Variants in RNGTT observed in about 807,000 individuals in gnomAD.
RNGTT encodes the protein mRNA-capping enzyme.
A neutral mutation model predicts 79.3 loss-of-function variants in RNGTT; 33 were observed. The ratio of observed to expected loss-of-function variants is 0.42; its 90% CI spans 0.32 to 0.56. The LOEUF is 0.56. Among genes scored for constraint, RNGTT ranks in the 20% least tolerant of loss-of-function variants. The pLI is 0.17. For missense variants in RNGTT, 497 were observed against 739.1 expected, an observed-to-expected ratio of 0.67 and a Z score of 3.80; for synonymous variants, 222 against 235.9, an observed-to-expected ratio of 0.94 and a Z score of 0.54.
At chr6:88,910,783 A>G (rs1205848943) in intron 4 of RNGTT, among the ~76,000 whole-genome samples, 19 of 152,238 alleles carry the variant, frequency 1.2e-4, no homozygotes, top group Non-Finnish European at 1.5e-5. Context: ...TCAGGCTAAC[A>G]GCAGACTTCT....
chr6:88,865,174 C>T lies in RNGTT; in HGVS notation c.897-11410G>A, dbSNP rs1024915559. 3.0e-4 allele frequency among the ~76,000 whole-genome samples: 46 copies of T among 151,938 alleles called. 3 individuals carry two copies. The highest frequency in any genetic ancestry group is 5.9e-5 in the Non-Finnish European group (4 of 67,924). On this transcript the variant is annotated intron_variant, in intron 8 of 15. Coordinates refer to ENST00000369485, the MANE Select transcript of RNGTT (RefSeq NM_003800.5). ...AAAGATACTAGAACAGTGATTAATA[C>T]ACAGTAATATAGTATCAGCTATTGT...
At chr6:88,929,924 A>G (rs1784439871) in intron 2 of RNGTT, among the ~76,000 whole-genome samples, 1 of 149,292 alleles carries the variant, frequency 6.7e-6, no homozygotes, top group African/African-American at 2.5e-5. Context: ...ATACACGTAT[A>G]TACATATGTA....
chr6:88,714,221 T>A (rs988804202), intron 13 of RNGTT: 1 of 152,264 alleles, frequency 6.6e-6, no homozygotes. Context: ...TAAGTCATTA[T>A]TGAAACTGAC....
chr6:88,843,043 C>G (rs888583962), intron 11 of RNGTT, among the ~76,000 whole-genome samples: 61 of 151,838 alleles, frequency 4.0e-4, no homozygotes, highest in Admixed American at 1.3e-4. Flanking sequence ...CCATTGCACT[C>G]CAGGCTGAGC....
chr6:88,835,362 A>AGTCT (rs1386285308), intron 11 of RNGTT, among the ~76,000 whole-genome samples: 4 of 152,178 alleles, frequency 2.6e-5, no homozygotes, highest in African/African-American at 9.7e-5. Context: ...CCTCTAAGGG[A>AGTCT]AATGTACAGA....
chr6:88,770,546 A>C (rs1434456938), intron 12 of RNGTT, among the ~76,000 whole-genome samples: 1 of 152,216 alleles, frequency 6.6e-6, no homozygotes, highest in Non-Finnish European at 1.5e-5. Flanking sequence ...ACACATTTAC[A>C]AGGTGATGGA....
chr6:88,786,645 T>C (rs1258981589), intron 12 of RNGTT, among the ~76,000 whole-genome samples: 1 of 152,242 alleles, frequency 6.6e-6, no homozygotes, highest in Non-Finnish European at 1.5e-5. Context: ...CCTTAAACCT[T>C]AGAAAATAGG....
chr6:88,817,821 G>A (rs2127877141), intron 11 of RNGTT, among the ~76,000 whole-genome samples: 1 of 137,884 alleles, frequency 7.3e-6, no homozygotes, highest in South Asian at 2.3e-4. Context: ...GTGCAGTGGC[G>A]CCATCTCGGC....
At chr6:88,650,317 C>A (rs1031543277) in intron 14 of RNGTT, among the ~76,000 whole-genome samples, 1 of 152,128 alleles carries the variant, frequency 6.6e-6, no homozygotes, top group Non-Finnish European at 1.5e-5. Context: ...CTTGATTATT[C>A]TCACAGTCAC....
chr6:88,843,548 C>CT (rs11312733), intron 11 of RNGTT, among the ~76,000 whole-genome samples: 2,364 of 66,686 alleles, frequency 0.035, 501 homozygotes, highest in African/African-American at 0.075. Flanking sequence ...TAGTATGATT[C>CT]TTTTTTTTTT....
intron 14 of RNGTT, among the ~76,000 whole-genome samples, chr6:88,627,035 C>T (rs548752781): frequency 1.3e-5 from 2 of 151,776 alleles, no homozygotes; most frequent in Non-Finnish European, 2.9e-5. Context: ...CTTTAACATC[C>T]ACCATTAACA....
At chr6:88,642,090 T>C (rs557459936) in intron 14 of RNGTT, among the ~76,000 whole-genome samples, 2 of 152,220 alleles carry the variant, frequency 1.3e-5, no homozygotes, top group African/African-American at 4.8e-5. Context: ...GTACTATATC[T>C]TTCTCCAGGA....
At chr6:88,645,255 T>C (rs1289999949) in intron 14 of RNGTT, among the ~76,000 whole-genome samples, 1 of 152,182 alleles carries the variant, frequency 6.6e-6, no homozygotes, top group African/African-American at 2.4e-5. Flanking sequence ...CCATTCACAA[T>C]TGCTTCAAGA....
chr6:88,949,184 T>TAAA (rs1785157793), intron 1 of RNGTT, among the ~76,000 whole-genome samples: 1 of 51,848 alleles, frequency 1.9e-5, no homozygotes, highest in Admixed American at 1.7e-4. Flanking sequence ...AAAAAGAAAA[T>TAAA]GAAAAGCTCT....
chr6:88,808,410 T>C (rs80120267), intron 11 of RNGTT, among the ~76,000 whole-genome samples: 3,077 of 152,110 alleles, frequency 0.02, 96 homozygotes, highest in African/African-American at 0.07. Context: ...AGTGGAGATA[T>C]AATGGAATAA....
At chr6:88,887,653 T>C (rs928405595) in intron 8 of RNGTT, among the ~76,000 whole-genome samples, 2 of 152,110 alleles carry the variant, frequency 1.3e-5, no homozygotes, top group African/African-American at 4.8e-5. Context: ...CTTTAGCCAA[T>C]CATCTAGGGG....
chr6:88,666,451 C>T lies in RNGTT; in HGVS notation c.1506+11902G>A, dbSNP rs530952154. 3.9e-5 allele frequency among the ~76,000 whole-genome samples: 6 copies of T among 152,224 alleles called. No individual in the cohort carries two copies. The South Asian group carries it at 1.2e-3, about 32-fold the overall frequency. ...TTAGGCAAAACTTAAACATAAAGGC[C>T]CCTCATGCAGTGGTGACTTTAATGA... On this transcript the variant is annotated intron_variant, in intron 14 of 15. Coordinates refer to ENST00000369485, the MANE Select transcript of RNGTT (RefSeq NM_003800.5).
chr6:88,945,692 T>C (rs1348640485), intron 1 of RNGTT, among the ~76,000 whole-genome samples: 1 of 152,200 alleles, frequency 6.6e-6, no homozygotes, highest in East Asian at 1.9e-4. Flanking sequence ...ACTTTCTTCT[T>C]CCAGGACACA....
At chr6:88,829,940 G>A (rs1332227403) in intron 11 of RNGTT, among the ~76,000 whole-genome samples, 1 of 152,042 alleles carries the variant, frequency 6.6e-6, no homozygotes, top group Admixed American at 6.6e-5. Context: ...CAATAATAGT[G>A]GGAGACTTTT....
Sources: allele counts gnomAD v4.1 joint callset (sites outside exome capture counted in the v4.1 genomes callset), GRCh38; gene constraint gnomAD v4.1.1; transcripts MANE v1.5; gene names NCBI Gene and HGNC (gene_info 2026-07-23, HGNC 2026-07-21).